Variants in TOX observed in about 807,000 individuals in gnomAD.
The protein encoded by TOX is thymocyte selection-associated high mobility group box protein TOX.
A neutral mutation model predicts 53.7 loss-of-function variants in TOX; 11 were observed. The ratio of observed to expected loss-of-function variants is 0.20; its 90% CI spans 0.13 to 0.34. The LOEUF is 0.34. Among genes scored for constraint, TOX ranks in the 10% least tolerant of loss-of-function variants. The pLI is 1.00. For missense variants in TOX, 570 were observed against 664.6 expected (o/e 0.86, Z 1.56); for synonymous variants, 225 against 245.3 (o/e 0.92, Z 0.77).
intron 3 of TOX, among the ~76,000 whole-genome samples, chr8:58,898,393 T>G (rs1236157964): frequency 6.6e-6 from 1 of 152,248 alleles, no homozygotes; most frequent in Non-Finnish European, 1.5e-5. Flanking sequence ...TTAGTCCCAA[T>G]AGGTTATAAT....
intron 7 of TOX, 76 bp from the exon 8 acceptor site, chr8:58,808,345 TC>T: frequency 6.5e-7 from 1 of 1,530,502 alleles, no homozygotes. Flanking sequence ...ATTTATTCAT[TC>T]TTTGCAGACA....
At chr8:59,040,236 G>A (rs1490487778) in intron 1 of TOX, among the ~76,000 whole-genome samples, 1 of 149,270 alleles carries the variant, frequency 6.7e-6, no homozygotes, top group Non-Finnish European at 1.5e-5. Flanking sequence ...GGCTGAGGCA[G>A]GAGAATGGCG....
At chr8:58,888,442 G>C (rs1324161576) in intron 3 of TOX, among the ~76,000 whole-genome samples, 3 of 152,036 alleles carry the variant, frequency 2.0e-5, no homozygotes, top group Non-Finnish European at 4.4e-5. Flanking sequence ...ACATGCACTT[G>C]AAGAAAAGAA....
chr8:58,851,855 G>T lies in TOX; in HGVS notation c.412-50C>A. 1 of 1,246,274 alleles carries T rather than the reference G, an allele frequency of 8.0e-7. No homozygotes were observed. The highest frequency in any genetic ancestry group is 1.0e-6 in the Non-Finnish European group (1 of 982,962). 77.2% of individuals were successfully genotyped at this position (1,246,274 alleles called of 1,614,324 possible). On this transcript the variant is annotated intron_variant, in intron 3 of 8. Transcript: ENST00000361421. This position sits in a 1 kb window ranked among gnomAD's most constrained non-coding sequence, Gnocchi z 4.4. ...AATAAATAAATAAATAAATAGGAAA[G>T]GAGTAATTTTAACAAATATGTTTTG...
At chr8:58,811,633 A>T (rs916424338) in intron 7 of TOX, among the ~76,000 whole-genome samples, 1 of 152,224 alleles carries the variant, frequency 6.6e-6, no homozygotes, top group African/African-American at 2.4e-5. Flanking sequence ...TAAACCTTTA[A>T]ATTACACCCA....
chr8:58,851,808 ACAAT>A lies in TOX; in HGVS notation c.412-7_412-4del, dbSNP rs1248686173. The A allele has an allele frequency of 1.8e-5, 24 of 1,342,770 alleles. No homozygotes were observed. Among genetic ancestry groups the A allele is most frequent in the Non-Finnish European group, 2.2e-5 (23 of 1,041,520 alleles). The allele number at this position is 1,342,770 out of a possible 1,614,324, so 83.2% of individuals were successfully genotyped here. A position where few individuals can be genotyped will look rare whatever the true frequency, so the allele number is the denominator to read the frequency against. On this transcript the variant is annotated splice_polypyrimidine_tract_variant and splice_region_variant and intron_variant, in intron 3 of 8. Coordinates refer to ENST00000361421, the MANE Select transcript of TOX (RefSeq NM_014729.3). The surrounding 1 kb of genome is among the most constrained non-coding windows in gnomAD (Gnocchi z 4.4). The stretch of plus-strand genomic sequence containing the variant: ...TCTGGGTTTCGTATATCTGGCATCT[ACAAT>A]AAATAAATAAATAAATAAATAAATA...
At chr8:59,002,309 A>G (rs1396298599) in intron 1 of TOX, among the ~76,000 whole-genome samples, 1 of 148,626 alleles carries the variant, frequency 6.7e-6, no homozygotes, top group Non-Finnish European at 1.5e-5. Context: ...ATGCAGACAT[A>G]GGGCCGGGCA....
chr8:58,899,437 T>C (rs1469572632), intron 3 of TOX, among the ~76,000 whole-genome samples: 1 of 152,196 alleles, frequency 6.6e-6, no homozygotes, highest in Non-Finnish European at 1.5e-5. Flanking sequence ...AGCAAAACTA[T>C]ATTGGAGTCT....
intron 1 of TOX, among the ~76,000 whole-genome samples, chr8:59,052,944 T>C (rs1226727616): frequency 6.6e-6 from 1 of 152,100 alleles, no homozygotes; most frequent in Non-Finnish European, 1.5e-5. Context: ...TGTAAAATAA[T>C]GAAAAAGCTT....
At chr8:59,065,657 G>T (rs988091786) in intron 1 of TOX, among the ~76,000 whole-genome samples, 1 of 152,074 alleles carries the variant, frequency 6.6e-6, no homozygotes, top group African/African-American at 2.4e-5. Flanking sequence ...GAACTCAGAG[G>T]CTTCCCACTG....
At chr8:58,824,305 G>C (rs148586784) in intron 6 of TOX, among the ~76,000 whole-genome samples, 2 of 152,116 alleles carry the variant, frequency 1.3e-5, no homozygotes, top group Admixed American at 6.5e-5. Context: ...CTTTAAAAAC[G>C]TAAGTCCCAT....
chr8:59,025,140 T>A (rs1289498279), intron 1 of TOX, among the ~76,000 whole-genome samples: 1 of 152,154 alleles, frequency 6.6e-6, no homozygotes, highest in African/African-American at 2.4e-5. Context: ...CCCCTAGTAC[T>A]GCAGCCTTGG....
intron 3 of TOX, among the ~76,000 whole-genome samples, chr8:58,932,959 CA>C (rs1212698677): frequency 6.6e-6 from 1 of 152,168 alleles, no homozygotes; most frequent in Non-Finnish European, 1.5e-5. Context: ...ATAAACCCCC[CA>C]ATTTTATTGC....
chr8:59,087,334 A>C (rs1207798314), intron 1 of TOX, among the ~76,000 whole-genome samples: 1 of 152,244 alleles, frequency 6.6e-6, no homozygotes, highest in Non-Finnish European at 1.5e-5. Flanking sequence ...AAAAAAAATC[A>C]GACAAACTTC....
intron 1 of TOX, among the ~76,000 whole-genome samples, chr8:59,057,819 T>A (rs1803911226): frequency 6.6e-6 from 1 of 152,162 alleles, no homozygotes; most frequent in South Asian, 2.1e-4. Context: ...GAAACTTCAA[T>A]CATCAAAACT....
chr8:58,823,303 A>G (rs1048150837), intron 6 of TOX, among the ~76,000 whole-genome samples: 14 of 152,138 alleles, frequency 9.2e-5, no homozygotes, highest in African/African-American at 2.9e-4. Context: ...GGCTCACTGC[A>G]ACCTCTACCT....
chr8:58,809,413 G>A (rs961925756), intron 7 of TOX, among the ~76,000 whole-genome samples: 2 of 152,156 alleles, frequency 1.3e-5, no homozygotes, highest in East Asian at 1.9e-4. Context: ...GTAAAGACTC[G>A]AAGGCACCTA....
intron 3 of TOX, among the ~76,000 whole-genome samples, chr8:58,914,592 C>T (rs1028418893): frequency 6.6e-6 from 1 of 152,176 alleles, no homozygotes; most frequent in Non-Finnish European, 1.5e-5. Context: ...GAGGCCAGAA[C>T]TGTTGCTAAC....
intron 1 of TOX, among the ~76,000 whole-genome samples, chr8:59,052,163 GC>G (rs1271339154): frequency 6.6e-6 from 1 of 152,160 alleles, no homozygotes; most frequent in Non-Finnish European, 1.5e-5. Context: ...AAACAAGGAT[GC>G]TATATTTTAA....
Sources: gnomAD v4.1 joint callset for allele counts (sites outside exome capture counted in the v4.1 genomes callset) on GRCh38, gnomAD v4.1.1 for gene constraint, Gnocchi (gnomAD v3.1) non-coding constraint, MANE v1.5 for transcripts, NCBI Gene and HGNC (gene_info 2026-07-23, HGNC 2026-07-21) for gene names.